ACSF3: variants seen among roughly 807,000 people sequenced by gnomAD.
The protein encoded by ACSF3 is acyl-CoA synthetase family member 3, also known as malonate--CoA ligase ACSF3, mitochondrial.
In ACSF3, 78 loss-of-function variants were observed where a neutral mutation model predicts 53.2. The ratio of observed to expected loss-of-function variants is 1.47; its 90% CI spans 1.22 to 1.77. ACSF3 has a LOEUF of 1.77. ACSF3 is among the 40% of genes most tolerant of loss of function. ACSF3 has a pLI of 0.00. For missense variants in ACSF3, 937 were observed against 771.1 expected (o/e 1.22, Z -2.55); for synonymous variants, 414 against 333.1 (o/e 1.24, Z -2.65).
At chr16:89,134,034 G>A (rs1909896659) in intron 8 of ACSF3, among the ~76,000 whole-genome samples, 1 of 152,342 alleles carries the variant, frequency 6.6e-6, no homozygotes, top group Admixed American at 6.5e-5. Flanking sequence ...CCCATGGGGC[G>A]TATTTGGACA....
At position 89,103,235 on chromosome 16, in the gene ACSF3, C is replaced by T. The variant is rs934405154; in HGVS notation, c.822+476C>T. On this transcript the variant is annotated intron_variant, in intron 4 of 10. Coordinates refer to ENST00000614302, the MANE Select transcript of ACSF3 (RefSeq NM_001243279.3). Reference sequence around the variant, plus strand: ...AGGTGACTGTACAGGCCCTGCTGCCCGCGAGCTCCTGCGGCTGCGGCGAAT... The same window carrying T: ...AGGTGACTGTACAGGCCCTGCTGCCTGCGAGCTCCTGCGGCTGCGGCGAAT... Among the ~76,000 whole-genome samples the T allele has an allele frequency of 3.3e-5, 5 of 152,316 alleles. No individual in the cohort carries two copies. The South Asian group carries it at 8.3e-4, about 25-fold the overall frequency.
intron 2 of ACSF3, 92 bp from the exon 3 acceptor site, chr16:89,100,570 G>T: frequency 1.0e-5 from 13 of 1,275,258 alleles, no homozygotes; most frequent in Non-Finnish European, 1.4e-5. Context: ...GGCGTACCTG[G>T]CTGGGTACTG....
At chr16:89,129,311 TGTTGTTTG>T (rs1176354573) in intron 7 of ACSF3, among the ~76,000 whole-genome samples, 2 of 152,264 alleles carry the variant, frequency 1.3e-5, no homozygotes, top group Non-Finnish European at 2.9e-5. Context: ...TTTGAAAGTC[TGTTGTTTG>T]GTACATTCAC....
At chr16:89,107,029 A>G (rs764253026) in intron 4 of ACSF3, among the ~76,000 whole-genome samples, 16 of 152,216 alleles carry the variant, frequency 1.1e-4, no homozygotes, top group Non-Finnish European at 2.2e-4. Context: ...TCAGGATCGC[A>G]GCATGGACTC....
chr16:89,120,662 A>T, intron 6 of ACSF3, 139 bp from the exon 7 acceptor site: 1 of 824,102 alleles, frequency 1.2e-6, no homozygotes, highest in Non-Finnish European at 2.1e-6. Flanking sequence ...TCTCTGGGTC[A>T]CAGGGCACGT....
rs1326846384 is a variant in ACSF3, at chr16:89,154,386, AGTT to A, written c.*184_*186del. On this transcript the variant is annotated 3_prime_UTR_variant, in exon 11 of 11. Coordinates refer to ENST00000614302, the MANE Select transcript of ACSF3 (RefSeq NM_001243279.3). The stretch of plus-strand genomic sequence containing the variant: ...CATGTGGGGTCCCCAGCCTCGGGCC[AGTT>A]GTTGCAGCTCAAGGAGACCGTCCCT... 4.3e-6 allele frequency: 3 copies of A among 703,240 alleles called. No homozygotes were observed. Among genetic ancestry groups the A allele is most frequent in the Admixed American group, 4.0e-5 (2 of 49,404 alleles). 43.6% of individuals were successfully genotyped at this position (703,240 alleles called of 1,614,324 possible).
At chr16:89,145,652 A>G (rs897950158) in intron 9 of ACSF3, among the ~76,000 whole-genome samples, 22 of 152,170 alleles carry the variant, frequency 1.4e-4, no homozygotes, top group African/African-American at 4.8e-4. Context: ...TCCCATCTGC[A>G]TGATTCCCCT....
At chr16:89,105,600 T>A (rs1367788848) in intron 4 of ACSF3, among the ~76,000 whole-genome samples, 2 of 152,322 alleles carry the variant, frequency 1.3e-5, no homozygotes, top group Non-Finnish European at 2.9e-5. Flanking sequence ...TTTCTGTGCC[T>A]GTGACTGGGC....
intron 4 of ACSF3, among the ~76,000 whole-genome samples, chr16:89,108,546 C>T (rs1437115406): frequency 6.6e-6 from 1 of 152,170 alleles, no homozygotes; most frequent in Non-Finnish European, 1.5e-5. Context: ...GTGTCCATTT[C>T]CCCCCATTCC....
chr16:89,133,109 G>C (rs764087633), intron 7 of ACSF3, 27 bp from the exon 8 acceptor site: 2 of 1,612,848 alleles, frequency 1.2e-6, no homozygotes, highest in African/African-American at 1.3e-5. Flanking sequence ...GCCCAGCTCT[G>C]ACCTCCATGT....
intron 8 of ACSF3, among the ~76,000 whole-genome samples, chr16:89,134,373 C>T (rs1161109493): frequency 6.6e-6 from 1 of 152,170 alleles, no homozygotes; most frequent in Non-Finnish European, 1.5e-5. Flanking sequence ...GGTGCTTAGC[C>T]GTGCAGGAAC....
chr16:89,125,303 A>G (rs1282825212), intron 7 of ACSF3, among the ~76,000 whole-genome samples: 3 of 150,426 alleles, frequency 2.0e-5, no homozygotes, highest in Non-Finnish European at 2.9e-5. Flanking sequence ...AGATCACGCC[A>G]CTGCACTCCA....
chr16:89,108,155 G>A (rs997211204), intron 4 of ACSF3, among the ~76,000 whole-genome samples: 7 of 152,166 alleles, frequency 4.6e-5, no homozygotes, highest in African/African-American at 1.7e-4. Flanking sequence ...CTCCCCCTGG[G>A]CACCTCCCAC....
Position 89,129,217 on chromosome 16 carries a change from C to A in ACSF3, c.1240-3919C>A, listed in dbSNP as rs544586234. Among the ~76,000 whole-genome samples, 9 of 152,308 alleles carry A rather than the reference C, an allele frequency of 5.9e-5. No individual in the cohort carries two copies. In the South Asian group the frequency reaches 1.7e-3, roughly 28 times the overall value. ...TCTTCTATATCCTTGCTGGTTTTCT[C>A]ACCACTTGTTCTGTTACTAAGTGAG... On this transcript the variant is annotated intron_variant, in intron 7 of 10. Coordinates refer to ENST00000614302, the MANE Select transcript of ACSF3 (RefSeq NM_001243279.3).
chr16:89,137,557 CA>C (rs1910854441), intron 8 of ACSF3, among the ~76,000 whole-genome samples: 1 of 135,052 alleles, frequency 7.4e-6, no homozygotes, highest in African/African-American at 2.9e-5. Flanking sequence ...GGAAGAGCCC[CA>C]GGTCTCGGGA....
In ACSF3 at chr16:89,146,069, G is replaced by T; in HGVS notation, c.1613+20G>T. 2 of 534,954 alleles carry T rather than the reference G, an allele frequency of 3.7e-6. 1 individual carries two copies. The highest frequency in any genetic ancestry group is 7.6e-6 in the Non-Finnish European group (2 of 262,924). The allele number at this position is 534,954 out of a possible 1,614,324, so 33.1% of individuals were successfully genotyped here. On this transcript the variant is annotated intron_variant, in intron 10 of 10. Transcript: ENST00000614302. ...GGCCAGGTAGGGCTGGGTGGGGCGG[G>T]CAGGGAGCACTCATGGGGTCTTGGG...
chr16:89,135,654 G>A (rs1289211680), intron 8 of ACSF3, among the ~76,000 whole-genome samples: 1 of 152,256 alleles, frequency 6.6e-6, no homozygotes, highest in African/African-American at 2.4e-5. Flanking sequence ...GCCTGTCCAT[G>A]ACTTCCCTTC....
At chr16:89,116,698 G>C (rs1312380679) in intron 6 of ACSF3, among the ~76,000 whole-genome samples, 2 of 152,192 alleles carry the variant, frequency 1.3e-5, no homozygotes, top group East Asian at 3.9e-4. Flanking sequence ...GTGAAAAGAA[G>C]TCAGTGTGAG....
chr16:89,146,995 A>G (rs72817502), intron 10 of ACSF3, among the ~76,000 whole-genome samples: 6,803 of 151,968 alleles, frequency 0.045, 253 homozygotes, highest in East Asian at 0.17. Flanking sequence ...TTTAATTTAT[A>G]AAGAAACGGG....
Sources: gnomAD v4.1 joint callset for allele counts (sites outside exome capture counted in the v4.1 genomes callset) on GRCh38, gnomAD v4.1.1 for gene constraint, MANE v1.5 for transcripts, NCBI Gene and HGNC (gene_info 2026-07-23, HGNC 2026-07-21) for gene names.